CUX2: variants seen among roughly 807,000 people sequenced by gnomAD.
The protein encoded by CUX2 is homeobox protein cut-like 2.
CUX2 carries 40 observed loss-of-function variants against 144.8 expected under a neutral mutation model. The observed-to-expected ratio is 0.28, with a 90% CI of 0.21 to 0.36. The LOEUF (loss-of-function observed/expected upper bound fraction) is 0.36. CUX2 is among the 10% of genes least tolerant of loss of function. CUX2 has a pLI of 1.00. For missense variants in CUX2, 1,615 were observed against 1,994.0 expected (o/e 0.81, Z 3.62); for synonymous variants, 827 against 875.6 (o/e 0.94, Z 0.98).
chr12:111,092,909 G>T (rs1222230600), intron 1 of CUX2, among the ~76,000 whole-genome samples: 1 of 149,956 alleles, frequency 6.7e-6, no homozygotes, highest in African/African-American at 2.5e-5. Flanking sequence ...CTGCCTCCCA[G>T]GCTCAAATGA....
intron 1 of CUX2, among the ~76,000 whole-genome samples, chr12:111,114,653 A>G (rs910535153): frequency 6.6e-6 from 1 of 151,696 alleles, no homozygotes; most frequent in Admixed American, 6.6e-5. Context: ...AAGAAAATGA[A>G]CCTCTTTCCT....
intron 3 of CUX2, among the ~76,000 whole-genome samples, chr12:111,234,591 T>C (rs964871125): frequency 6.6e-5 from 10 of 152,002 alleles, no homozygotes; most frequent in Non-Finnish European, 1.3e-4. Context: ...ATTAGGAAGA[T>C]TGGGCAGGAT....
chr12:111,178,739 G>T lies in CUX2; in HGVS notation c.64-35461G>T, dbSNP rs1878995563. On this transcript the variant is annotated intron_variant, in intron 1 of 21. Transcript: ENST00000261726. This position sits in a 1 kb window ranked among gnomAD's most constrained non-coding sequence, Gnocchi z 5.7. ...TGAGGGAGATGGACATTTATGGGAT[G>T]GCCGTTTGGAATGAAGTCCAATGAT... is the stretch of plus-strand genomic sequence containing the variant. 1.3e-5 allele frequency among the ~76,000 whole-genome samples: 2 copies of T among 152,210 alleles called. No individual in the cohort carries two copies. The highest frequency in any genetic ancestry group is 1.3e-4 in the Admixed American group (2 of 15,278).
At chr12:111,214,353 C>G in intron 2 of CUX2, 43 bp downstream of exon 2, 1 of 1,144,340 alleles carries the variant, frequency 8.7e-7, no homozygotes, top group Non-Finnish European at 1.3e-6. Flanking sequence ...AGTAGGAATG[C>G]AGATTTCTCT....
chr12:111,238,120 G>A (rs1882848470), intron 3 of CUX2, among the ~76,000 whole-genome samples: 1 of 152,160 alleles, frequency 6.6e-6, no homozygotes. Flanking sequence ...CCTTGGGAAG[G>A]CCTTCATGAC....
intron 1 of CUX2, among the ~76,000 whole-genome samples, chr12:111,133,845 G>A (rs893148440): frequency 2.0e-5 from 3 of 152,126 alleles, no homozygotes; most frequent in African/African-American, 7.2e-5. Context: ...CCAGCTGGTG[G>A]TGGGGAGACT....
chr12:111,264,843 T>A (rs76738902), intron 4 of CUX2, among the ~76,000 whole-genome samples: 1 of 152,080 alleles, frequency 6.6e-6, no homozygotes, highest in Non-Finnish European at 1.5e-5. Flanking sequence ...CAAGGCCACA[T>A]AGTGTAGGAT....
chr12:111,215,738 A>G (rs752117953), intron 2 of CUX2, among the ~76,000 whole-genome samples: 1 of 152,140 alleles, frequency 6.6e-6, no homozygotes, highest in Admixed American at 6.5e-5. Context: ...AATCGGCCCC[A>G]CATCTTCACA....
chr12:111,087,998 A>C lies in CUX2; in HGVS notation c.63+53758A>C, dbSNP rs150652689. Among the ~76,000 whole-genome samples the C allele has an allele frequency of 3.6e-3, 551 of 152,272 alleles. 5 individuals carry two copies. The highest frequency in any genetic ancestry group is 0.013 in the African/African-American group (522 of 41,518). On this transcript the variant is annotated intron_variant, in intron 1 of 21. Coordinates refer to ENST00000261726, the MANE Select transcript of CUX2 (RefSeq NM_015267.4). Reference sequence around the variant, plus strand: ...GGAACGAACTATTGATAAGCTAATGATGTGGATACAGCTTGAAGGAATCGT... The same window carrying C: ...GGAACGAACTATTGATAAGCTAATGCTGTGGATACAGCTTGAAGGAATCGT...
At chr12:111,298,932 A>G (rs954360322) in intron 9 of CUX2, among the ~76,000 whole-genome samples, 2 of 152,312 alleles carry the variant, frequency 1.3e-5, no homozygotes, top group Admixed American at 6.5e-5. Flanking sequence ...CTAAGACCCA[A>G]AGAATAAATG....
At position 111,255,526 on chromosome 12, in the gene CUX2, T is replaced by A. The variant is rs1883775107; in HGVS notation, c.223-8235T>A. Among the ~76,000 whole-genome samples the A allele has an allele frequency of 6.6e-6, 1 of 152,104 alleles. No homozygotes were observed. Among genetic ancestry groups the A allele is most frequent in the Non-Finnish European group, 1.5e-5 (1 of 68,030 alleles). ...TGGCTCCTCCAGCTCTTTTGGTTATTCCAGGTGCTTCCACCAGCCCCCAAC... is the reference window on the plus strand; with the variant it reads ...TGGCTCCTCCAGCTCTTTTGGTTATACCAGGTGCTTCCACCAGCCCCCAAC... On this transcript the variant is annotated intron_variant, in intron 3 of 21. Coordinates refer to ENST00000261726, the MANE Select transcript of CUX2 (RefSeq NM_015267.4). The surrounding 1 kb of genome is among the most constrained non-coding windows in gnomAD (Gnocchi z 4.1).
chr12:111,079,496 C>G (rs1871746598), intron 1 of CUX2, among the ~76,000 whole-genome samples: 1 of 152,036 alleles, frequency 6.6e-6, no homozygotes, highest in South Asian at 2.1e-4. Flanking sequence ...CTTCCCAGGC[C>G]CTGACCCCTC....
chr12:111,328,467 C>T lies in CUX2; in HGVS notation c.2926+5887C>T, dbSNP rs137954469. Among the ~76,000 whole-genome samples, 304 of 152,270 alleles carry T rather than the reference C, an allele frequency of 2.0e-3. 4 individuals carry two copies. The highest frequency in any genetic ancestry group is 4.5e-3 in the African/African-American group (188 of 41,540). ...CATCAGTATTCCAGACCCTTCCATC[C>T]GAGGTTTCTCAGAATTCTCAAGCAG... On this transcript the variant is annotated intron_variant, in intron 18 of 21. Transcript: ENST00000261726.
chr12:111,268,016 C>CAA (rs2136297088), intron 4 of CUX2, among the ~76,000 whole-genome samples: 1 of 152,222 alleles, frequency 6.6e-6, no homozygotes, highest in African/African-American at 2.4e-5. Context: ...AGACTGGTCT[C>CAA]AAACTCCTGG....
At chr12:111,305,827 T>C (rs1886551433) in intron 10 of CUX2, among the ~76,000 whole-genome samples, 1 of 152,190 alleles carries the variant, frequency 6.6e-6, no homozygotes, top group African/African-American at 2.4e-5. Context: ...AGCACGCGCA[T>C]GTCTGTTGTG....
At chr12:111,314,470 G>A (rs1322602396) in intron 16 of CUX2, among the ~76,000 whole-genome samples, 3 of 151,884 alleles carry the variant, frequency 2.0e-5, no homozygotes, top group Non-Finnish European at 4.4e-5. Flanking sequence ...GTGAAACCCC[G>A]TCTCTGCTAA....
rs889368603 is a variant in CUX2, at chr12:111,246,796, C to A, written c.223-16965C>A. Among the ~76,000 whole-genome samples the A allele has an allele frequency of 1.2e-4, 19 of 152,116 alleles. No homozygotes were observed. The highest frequency in any genetic ancestry group is 4.3e-4 in the African/African-American group (18 of 41,424). On this transcript the variant is annotated intron_variant, in intron 3 of 21. Transcript: ENST00000261726. The surrounding 1 kb of genome is among the most constrained non-coding windows in gnomAD (Gnocchi z 4.0). ...CAACGGCCTGCCTCTCTTGTGTGAGCCTGTGCCTCTTCCTCCTTGAAGCCC... is the reference window on the plus strand; with the variant it reads ...CAACGGCCTGCCTCTCTTGTGTGAGACTGTGCCTCTTCCTCCTTGAAGCCC...
intron 1 of CUX2, chr12:111,100,174 C>G: frequency 4.8e-6 from 2 of 415,662 alleles, no homozygotes; most frequent in Non-Finnish European, 9.6e-6. Flanking sequence ...AGAGCAGGAG[C>G]CTGTGACTGT....
chr12:111,072,426 C>T (rs942010933), intron 1 of CUX2, among the ~76,000 whole-genome samples: 7 of 152,246 alleles, frequency 4.6e-5, no homozygotes, highest in Admixed American at 4.6e-4. Context: ...ACCCTGTGGG[C>T]CTCCCTGCCC....
Sources: allele counts gnomAD v4.1 joint callset (sites outside exome capture counted in the v4.1 genomes callset), GRCh38; gene constraint gnomAD v4.1.1; non-coding constraint Gnocchi (gnomAD v3.1); transcripts MANE v1.5; gene names NCBI Gene and HGNC (gene_info 2026-07-23, HGNC 2026-07-21).